The following STAB2 variants were observed in gnomAD, a reference collection of about 807,000 sequenced individuals.
The protein encoded by STAB2 is stabilin 2, also known as stabilin-2.
In STAB2, 288 loss-of-function variants were observed where a neutral mutation model predicts 338.1. That is an observed-to-expected ratio of 0.85 (90% CI 0.77 to 0.94). The LOEUF is 0.94. Ranked by LOEUF, STAB2 falls within the 40% of genes least tolerant of loss-of-function variation. The pLI, the probability that STAB2 is intolerant of heterozygous loss-of-function variation, is 0.00. For synonymous variants in STAB2, 1,202 were observed against 1,193.3 expected, an observed-to-expected ratio of 1.01 and a Z score of -0.15; for missense variants, 3,141 against 3,210.1, an observed-to-expected ratio of 0.98 and a Z score of 0.52.
Position 103,755,389 on chromosome 12 carries a change from G to T in STAB2, c.6802G>T (p.Gly2268Cys). Residue 2268 changes from glycine to cysteine, a missense_variant, in exon 62 of 69, where the codon GGT becomes TGT. Coordinates refer to ENST00000388887, the MANE Select transcript of STAB2 (RefSeq NM_017564.10). ...CTTCGCCTCCCAGAACTGTGGCTCT[G>T]GTGTGGTTGGGATAGTGGACTATGG... ...TAFASQNCGS[G>C]VVGIVDYGPR... 6.2e-7 allele frequency: 1 copy of T among 1,614,158 alleles called. No individual in the cohort carries two copies. Among genetic ancestry groups the T allele is most frequent in the Non-Finnish European group, 8.5e-7 (1 of 1,180,036 alleles).
intron 57 of STAB2, among the ~76,000 whole-genome samples, chr12:103,745,813 T>C (rs192784287): frequency 1.4e-3 from 211 of 152,340 alleles, no homozygotes; most frequent in Non-Finnish European, 2.3e-3. Context: ...GTTCCCAGTG[T>C]ACGCAGATGC....
chr12:103,619,403 C>A (rs567957603), intron 3 of STAB2, among the ~76,000 whole-genome samples: 2 of 152,242 alleles, frequency 1.3e-5, no homozygotes, highest in South Asian at 2.1e-4. Context: ...AATAGAATTT[C>A]TTTTCATCCT....
chr12:103,731,697 G>A, intron 50 of STAB2, 62 bp downstream of exon 50: 1 of 1,533,758 alleles, frequency 6.5e-7, no homozygotes, highest in Non-Finnish European at 8.9e-7. Context: ...TGTTTTGTTT[G>A]TTTTGTTGTT....
At chr12:103,718,245 T>A (rs1327752140) in intron 44 of STAB2, among the ~76,000 whole-genome samples, 1 of 152,140 alleles carries the variant, frequency 6.6e-6, no homozygotes, top group Non-Finnish European at 1.5e-5. Flanking sequence ...GCGAGCGCAC[T>A]ATGAGTCAAC....
chr12:103,612,621 A>G (rs1450545565), intron 3 of STAB2, among the ~76,000 whole-genome samples: 1 of 152,144 alleles, frequency 6.6e-6, no homozygotes, highest in Non-Finnish European at 1.5e-5. Context: ...CTTCTTTGCC[A>G]TGGGTTCAAA....
intron 3 of STAB2, among the ~76,000 whole-genome samples, chr12:103,614,305 G>T (rs1957175712): frequency 6.6e-6 from 1 of 152,196 alleles, no homozygotes; most frequent in Non-Finnish European, 1.5e-5. Context: ...ATAGAGTGGA[G>T]CTCTTTGAGA....
rs1263307322 is a variant in STAB2, at chr12:103,609,739, TGA to T, written c.332-10723_332-10722del. 3.9e-4 allele frequency among the ~76,000 whole-genome samples: 59 copies of T among 152,268 alleles called. No individual in the cohort carries two copies. The Middle Eastern group carries it at 0.01, about 26-fold the overall frequency. On this transcript the variant is annotated intron_variant, in intron 3 of 68. Coordinates refer to ENST00000388887, the MANE Select transcript of STAB2 (RefSeq NM_017564.10). Reference sequence around the variant, plus strand: ...CCAACACTATGTTGAATAGGAGTGGTGAGAGAGGACATCCCTGTCTTGTGCCA... The same window carrying T: ...CCAACACTATGTTGAATAGGAGTGGTGAGAGGACATCCCTGTCTTGTGCCA...
intron 17 of STAB2, 99 bp downstream of exon 17, chr12:103,660,862 C>A: frequency 3.1e-6 from 4 of 1,272,698 alleles, no homozygotes; most frequent in Non-Finnish European, 4.5e-6. Flanking sequence ...AACTCATGGG[C>A]TTAAAATCTT....
chr12:103,755,092 C>A, intron 61 of STAB2: 1 of 594,756 alleles, frequency 1.7e-6, no homozygotes, highest in Non-Finnish European at 2.9e-6. Context: ...TGGGCACCTA[C>A]AAGAAAGAGA....
chr12:103,618,248 G>T (rs1957241248), intron 3 of STAB2, among the ~76,000 whole-genome samples: 1 of 152,108 alleles, frequency 6.6e-6, no homozygotes, highest in Non-Finnish European at 1.5e-5. Context: ...CCTTATGGAT[G>T]GGATTAGTGC....
chr12:103,758,259 G>A lies in STAB2; in HGVS notation c.7077G>A (p.Val2359=). The change falls in exon 64 of 69, where the codon GTG becomes GTA. Residue 2359 remains valine (V), a synonymous_variant. Transcript: ENST00000388887. ...TGTCCATCCGCGGCACCCTCTTTGT[G>A]CCACAGAACAGTGGGCTGGGGGAGA... ...TDLSIRGTLF[V]PQNSGLGENE... 6.2e-7 allele frequency: 1 copy of A among 1,613,980 alleles called. No homozygotes were observed. The highest frequency in any genetic ancestry group is 2.2e-5 in the East Asian group (1 of 44,882).
chr12:103,683,401 C>A, intron 26 of STAB2, 101 bp downstream of exon 26: 1 of 991,412 alleles, frequency 1.0e-6, no homozygotes, highest in Non-Finnish European at 1.5e-6. Context: ...TGAACAAAAT[C>A]TCTTACCCCC....
intron 27 of STAB2, among the ~76,000 whole-genome samples, chr12:103,685,422 C>CTGTGTGTGTGTGTGTGTG (rs141365936): frequency 2.8e-4 from 41 of 145,902 alleles, no homozygotes; most frequent in East Asian, 1.0e-3. Context: ...CTTACCCATG[C>CTGTGTGTGTGTGTGTGTG]TGTGTGTGTG....
At chr12:103,743,028 T>TC (rs1555252128) in intron 56 of STAB2, among the ~76,000 whole-genome samples, 1 of 150,272 alleles carries the variant, frequency 6.7e-6, no homozygotes, top group Non-Finnish European at 1.5e-5. Flanking sequence ...TTTTTCTTTT[T>TC]TTTTTTTTTT....
intron 63 of STAB2, 90 bp downstream of exon 63, chr12:103,755,808 A>T: frequency 1.7e-6 from 2 of 1,210,306 alleles, no homozygotes; most frequent in Non-Finnish European, 2.4e-6. Context: ...GCTGAAGGCC[A>T]CAGTCACAGT....
At chr12:103,658,076 T>C (rs1349997106) in intron 15 of STAB2, 1 of 152,210 alleles carries the variant, frequency 6.6e-6, no homozygotes, top group African/African-American at 2.4e-5. Flanking sequence ...CAAGGTTTCA[T>C]CACTGAACCA....
chr12:103,634,009 A>G (rs180795857), intron 6 of STAB2, among the ~76,000 whole-genome samples: 16 of 152,354 alleles, frequency 1.1e-4, no homozygotes, highest in Non-Finnish European at 1.6e-4. Context: ...TATATGATCA[A>G]ATAAATTTAT....
chr12:103,633,790 A>G (rs762905102), intron 6 of STAB2, among the ~76,000 whole-genome samples: 3 of 152,130 alleles, frequency 2.0e-5, no homozygotes, highest in Non-Finnish European at 4.4e-5. Flanking sequence ...CTGGAGGTTT[A>G]TTTTCATTTG....
At chr12:103,761,549 G>C (rs1010915986) in intron 66 of STAB2, 139 bp downstream of exon 66, 15 of 713,338 alleles carry the variant, frequency 2.1e-5, no homozygotes, top group Middle Eastern at 4.0e-4. Context: ...CAACCTCCAA[G>C]GTAGCTGGCC....
Sources: gnomAD v4.1 joint callset for allele counts (sites outside exome capture counted in the v4.1 genomes callset) on GRCh38, gnomAD v4.1.1 for gene constraint, MANE v1.5 for transcripts, NCBI Gene and HGNC (gene_info 2026-07-23, HGNC 2026-07-21) for gene names.